The following ROBO2 variants were observed in gnomAD, a reference collection of about 807,000 sequenced individuals.
ROBO2 encodes roundabout homolog 2.
Under a neutral mutation model 160.8 loss-of-function variants are expected in ROBO2, and 53 were observed. The ratio of observed to expected loss-of-function variants is 0.33; its 90% CI spans 0.26 to 0.41. The LOEUF is 0.41. Ranked by LOEUF, ROBO2 falls within the 10% of genes least tolerant of loss-of-function variation. ROBO2 has a pLI of 1.00. For synonymous variants in ROBO2, 664 were observed against 611.7 expected (o/e 1.09, Z -1.26); for missense variants, 1,577 against 1,722.4 (o/e 0.92, Z 1.49).
intron 2 of ROBO2, among the ~76,000 whole-genome samples, chr3:76,176,547 CA>C (rs1213386508): frequency 2.0e-5 from 3 of 151,918 alleles, no homozygotes; most frequent in African/African-American, 7.3e-5. Flanking sequence ...GAGTACAAAA[CA>C]GTGAGATTTG....
chr3:76,757,726 T>C (rs753580572), intron 2 of ROBO2, among the ~76,000 whole-genome samples: 15 of 151,792 alleles, frequency 9.9e-5, no homozygotes, highest in Non-Finnish European at 1.9e-4. Flanking sequence ...TAACTGATAA[T>C]GTCATAATTA....
At chr3:77,293,735 C>T (rs1160816691) in intron 2 of ROBO2, among the ~76,000 whole-genome samples, 161 of 135,228 alleles carry the variant, frequency 1.2e-3, no homozygotes, top group Admixed American at 2.4e-3. Flanking sequence ...GATGGTTAAA[C>T]GGGTAAGCTG....
intron 2 of ROBO2, among the ~76,000 whole-genome samples, chr3:76,558,362 A>G (rs1176794976): frequency 2.5e-3 from 2 of 804 alleles, no homozygotes; most frequent in Non-Finnish European, 0.083. Flanking sequence ...TTAAGTTAGA[A>G]AAAAATATAT....
chr3:77,564,805 G>A (rs1194834724), intron 11 of ROBO2, 149 bp from the exon 13 acceptor site: 7 of 778,340 alleles, frequency 9.0e-6, no homozygotes, highest in African/African-American at 1.7e-5. Flanking sequence ...TCATCCAAAT[G>A]TTTCATTTAT....
chr3:76,057,976 T>C (rs1437449973), intron 2 of ROBO2, among the ~76,000 whole-genome samples: 1 of 152,210 alleles, frequency 6.6e-6, no homozygotes, highest in Non-Finnish European at 1.5e-5. Flanking sequence ...ACCGTGTGTT[T>C]GTGAAGGGTT....
intron 2 of ROBO2, among the ~76,000 whole-genome samples, chr3:76,253,399 A>C (rs541245988): frequency 2.0e-5 from 3 of 151,790 alleles, no homozygotes; most frequent in Non-Finnish European, 2.9e-5. Context: ...CAGCCTCCTG[A>C]GTAGCTGGTA....
intron 2 of ROBO2, among the ~76,000 whole-genome samples, chr3:76,111,293 C>A (rs2070218657): frequency 6.6e-6 from 1 of 152,020 alleles, no homozygotes; most frequent in South Asian, 2.1e-4. Flanking sequence ...AAACACCAAG[C>A]ATTGATGGCT....
At chr3:76,496,414 T>A (rs187044245) in intron 2 of ROBO2, among the ~76,000 whole-genome samples, 1 of 152,330 alleles carries the variant, frequency 6.6e-6, no homozygotes, top group African/African-American at 2.4e-5. Context: ...AATAAGTGAT[T>A]TGTGAATGCC....
chr3:77,394,077 C>T (rs1474978776), intron 2 of ROBO2, among the ~76,000 whole-genome samples: 1 of 152,088 alleles, frequency 6.6e-6, no homozygotes, highest in Non-Finnish European at 1.5e-5. Flanking sequence ...GAATTTGTTT[C>T]CAACACCATA....
chr3:76,985,575 G>GAAA (rs532632866), intron 2 of ROBO2, among the ~76,000 whole-genome samples: 291 of 26,290 alleles, frequency 0.011, 2 homozygotes, highest in Non-Finnish European at 0.013. Flanking sequence ...GACTCCGTCT[G>GAAA]AAAAAAAAAA....
chr3:77,198,626 C>T (rs533699177), intron 2 of ROBO2, among the ~76,000 whole-genome samples: 31 of 152,252 alleles, frequency 2.0e-4, no homozygotes, highest in African/African-American at 6.5e-4. Context: ...TACGGCCAGG[C>T]GCAGTAGCTC....
At chr3:76,692,843 C>G (rs1198045916) in intron 2 of ROBO2, among the ~76,000 whole-genome samples, 2 of 151,770 alleles carry the variant, frequency 1.3e-5, no homozygotes, top group Middle Eastern at 3.2e-3. Flanking sequence ...ATTCAGGGCT[C>G]TCCAGAGAAA....
intron 2 of ROBO2, among the ~76,000 whole-genome samples, chr3:77,133,807 T>A (rs72891540): frequency 2.6e-5 from 4 of 152,076 alleles, no homozygotes; most frequent in African/African-American, 9.7e-5. Context: ...ATTTGTTTGT[T>A]ATATATGTTG....
chr3:76,140,477 G>A (rs1036831568), intron 2 of ROBO2, among the ~76,000 whole-genome samples: 1 of 151,894 alleles, frequency 6.6e-6, no homozygotes, highest in African/African-American at 2.4e-5. Context: ...TGAAGTGTAT[G>A]TAGGGTCAAA....
chr3:77,286,061 T>G (rs1206758793), intron 2 of ROBO2, among the ~76,000 whole-genome samples: 1 of 152,150 alleles, frequency 6.6e-6, no homozygotes, highest in Non-Finnish European at 1.5e-5. Flanking sequence ...GTGCAAACTT[T>G]CATTATATCT....
intron 2 of ROBO2, among the ~76,000 whole-genome samples, chr3:77,140,564 G>A (rs1399649805): frequency 6.6e-6 from 1 of 152,104 alleles, no homozygotes; most frequent in Non-Finnish European, 1.5e-5. Flanking sequence ...TAAAAGCCTA[G>A]GCCAAGCAAA....
intron 2 of ROBO2, among the ~76,000 whole-genome samples, chr3:76,798,076 T>C (rs969819645): frequency 2.5e-5 from 3 of 122,322 alleles, no homozygotes; most frequent in Non-Finnish European, 5.1e-5. Context: ...ATTACCCTGA[T>C]ACCAAAAACA....
intron 6 of ROBO2, among the ~76,000 whole-genome samples, chr3:77,523,493 C>G (rs779834937): frequency 6.6e-6 from 1 of 151,376 alleles, no homozygotes; most frequent in Non-Finnish European, 1.5e-5. Context: ...ATAACTTTCA[C>G]TTTCTGGGTG....
intron 2 of ROBO2, among the ~76,000 whole-genome samples, chr3:76,173,524 C>G (rs1452175931): frequency 6.6e-6 from 1 of 151,834 alleles, no homozygotes; most frequent in Non-Finnish European, 1.5e-5. Context: ...GACCCCCACC[C>G]CTGACAGGCC....
Sources: allele counts gnomAD v4.1 joint callset (sites outside exome capture counted in the v4.1 genomes callset), GRCh38; gene constraint gnomAD v4.1.1; transcripts MANE v1.5; gene names NCBI Gene and HGNC (gene_info 2026-07-23, HGNC 2026-07-21).